MIGA2: variants seen among roughly 807,000 people sequenced by gnomAD.
The protein encoded by MIGA2 is family with sequence similarity 73, member B.
A neutral mutation model predicts 69.9 loss-of-function variants in MIGA2; 36 were observed. The ratio of observed to expected loss-of-function variants is 0.52; its 90% CI spans 0.39 to 0.68. MIGA2 has a LOEUF of 0.68. Ranked by LOEUF, MIGA2 falls within the 30% of genes least tolerant of loss-of-function variation. The probability of loss-of-function intolerance (pLI) is 0.00; values close to 1 mark genes in which losing one functional copy is unlikely to be tolerated. For synonymous variants in MIGA2, 333 were observed against 349.2 expected (o/e 0.95, Z 0.52); for missense variants, 660 against 787.7 (o/e 0.84, Z 1.94).
Position 129,067,784 on chromosome 9 carries a change from C to A in MIGA2, c.1182C>A (p.Gly394=), listed in dbSNP as rs764836417. The A allele has an allele frequency of 2.5e-6, 4 of 1,611,968 alleles. No homozygotes were observed. Among genetic ancestry groups the A allele is most frequent in the East Asian group, 2.2e-5 (1 of 44,870 alleles). Residue 394 remains glycine (G), a synonymous_variant, in exon 12 of 16, where the codon GGC becomes GGA. Coordinates refer to ENST00000684074, the MANE Select transcript of MIGA2 (RefSeq NM_001329990.2). ...LMTKAEKSPK[G]FLESYEEMLS... ...GCTTCTCTCCACAGAGCCCCAAAGG[C>A]TTCCTGGAGAGCTACGAGGAGATGC...
chr9:129,066,432 T>G (rs1047920855), intron 11 of MIGA2, among the ~76,000 whole-genome samples: 2 of 152,122 alleles, frequency 1.3e-5, no homozygotes, highest in African/African-American at 4.8e-5. Context: ...CCCGGCACTT[T>G]GGGAGGCCAA....
chr9:129,045,052 G>T (rs900259061), intron 3 of MIGA2, among the ~76,000 whole-genome samples: 4 of 151,524 alleles, frequency 2.6e-5, no homozygotes, highest in Middle Eastern at 3.4e-3. Context: ...ACAAAAATTA[G>T]TCGGGTGTGG....
In MIGA2 at chr9:129,059,790, T is replaced by C. The variant is rs772223209; in HGVS notation, c.793+519T>C. 6.6e-6 allele frequency among the ~76,000 whole-genome samples: 1 copy of C among 152,176 alleles called. No individual in the cohort carries two copies. The highest frequency in any genetic ancestry group is 1.5e-5 in the Non-Finnish European group (1 of 68,020). On this transcript the variant is annotated intron_variant, in intron 7 of 15. Transcript: ENST00000684074. The surrounding 1 kb of genome is among the most constrained non-coding windows in gnomAD (Gnocchi z 5.6). ...CGGACCCCTGCAGTGAATGACACCC[T>C]GGCCCCTCCCTGTGCACTCAACCCT...
chr9:129,043,167 C>T (rs187243889), intron 3 of MIGA2, among the ~76,000 whole-genome samples: 2,093 of 151,072 alleles, frequency 0.014, 20 homozygotes, highest in Non-Finnish European at 0.021. Context: ...GCACTCCAGC[C>T]TGGGTGACAG....
In MIGA2 at chr9:129,068,055, G is replaced by A. The variant is rs187649697; in HGVS notation, c.1270-143G>A. The A allele has an allele frequency of 3.2e-4, 432 of 1,335,896 alleles. 3 individuals carry two copies. In the South Asian group the frequency reaches 4.6e-3, roughly 14 times the overall value. The allele number at this position is 1,335,896 out of a possible 1,614,324, so 82.8% of individuals were successfully genotyped here. ...GGGAGGAATGGCCTCAGCTACACCC[G>A]TTGCACAGCAGAGCGGGAAAGACGT... is the stretch of plus-strand genomic sequence containing the variant. On this transcript the variant is annotated intron_variant, in intron 12 of 15. Coordinates refer to ENST00000684074, the MANE Select transcript of MIGA2 (RefSeq NM_001329990.2). This position sits in a 1 kb window ranked among gnomAD's most constrained non-coding sequence, Gnocchi z 4.1.
At chr9:129,038,936 C>G (rs1457682846) in intron 1 of MIGA2, among the ~76,000 whole-genome samples, 1 of 151,426 alleles carries the variant, frequency 6.6e-6, no homozygotes, top group African/African-American at 2.4e-5. Context: ...GCTGGGATTA[C>G]AGGCACGTGC....
chr9:129,049,139 G>A (rs1349229249), intron 4 of MIGA2, among the ~76,000 whole-genome samples: 1 of 152,202 alleles, frequency 6.6e-6, no homozygotes, highest in Non-Finnish European at 1.5e-5. Context: ...CAGGTTCCTG[G>A]GCTGGGTGTT....
At chr9:129,040,786 T>C (rs1844860871) in intron 2 of MIGA2, 96 bp downstream of exon 2, 14 of 1,154,840 alleles carry the variant, frequency 1.2e-5, no homozygotes, top group Non-Finnish European at 1.7e-5. Flanking sequence ...CCCTCGTTCT[T>C]GCTTTGCCAA....
chr9:129,067,562 C>A (rs1846425802), intron 11 of MIGA2: 1 of 575,158 alleles, frequency 1.7e-6, no homozygotes, highest in Admixed American at 3.1e-5. Flanking sequence ...AGGTGCTCAG[C>A]AGAGGAGCTG....
chr9:129,042,738 G>GGTT (rs1289046330), intron 3 of MIGA2, among the ~76,000 whole-genome samples: 1 of 152,094 alleles, frequency 6.6e-6, no homozygotes, highest in Non-Finnish European at 1.5e-5. Context: ...AGGTGGTTTT[G>GGTT]GTTGTTCTCA....
At chr9:129,050,423 C>G (rs988000620) in intron 6 of MIGA2, among the ~76,000 whole-genome samples, 1 of 147,740 alleles carries the variant, frequency 6.8e-6, no homozygotes, top group African/African-American at 2.5e-5. Flanking sequence ...TATAGGCGCC[C>G]GCCACCACAT....
Position 129,070,579 on chromosome 9 carries a change from C to A in MIGA2, c.*126C>A. The A allele has an allele frequency of 1.9e-6, 2 of 1,049,424 alleles. No homozygotes were observed. The highest frequency in any genetic ancestry group is 2.7e-6 in the Non-Finnish European group (2 of 747,362). The allele number at this position is 1,049,424 out of a possible 1,614,324, so 65.0% of individuals were successfully genotyped here. A position where few individuals can be genotyped will look rare whatever the true frequency, so the allele number is the denominator to read the frequency against. ...TGCCCCACCCCCATCATCTGGGAGT[C>A]CCCAAGGCCCAGAGGGGACATTTCC... On this transcript the variant is annotated 3_prime_UTR_variant, in exon 16 of 16. Coordinates refer to ENST00000684074, the MANE Select transcript of MIGA2 (RefSeq NM_001329990.2).
chr9:129,057,738 T>G (rs1845869065), intron 6 of MIGA2, among the ~76,000 whole-genome samples: 1 of 152,154 alleles, frequency 6.6e-6, no homozygotes, highest in African/African-American at 2.4e-5. Flanking sequence ...CCTGAGTAGC[T>G]GGGACTACAG....
chr9:129,055,706 G>A (rs867790322), intron 6 of MIGA2, among the ~76,000 whole-genome samples: 13 of 152,004 alleles, frequency 8.6e-5, no homozygotes, highest in Middle Eastern at 3.2e-3. Flanking sequence ...AAAATTAGCC[G>A]GGCGTAGTGG....
At chr9:129,042,665 G>A (rs1009062481) in intron 3 of MIGA2, 151 bp downstream of exon 3, 67 of 783,698 alleles carry the variant, frequency 8.5e-5, no homozygotes, top group East Asian at 3.8e-4. Flanking sequence ...TGACAGTAGC[G>A]TCCCTCCCTC....
intron 6 of MIGA2, among the ~76,000 whole-genome samples, chr9:129,057,636 G>T (rs559800243): frequency 1.3e-5 from 2 of 151,396 alleles, no homozygotes; most frequent in Non-Finnish European, 2.9e-5. Context: ...ACAGAGTCTC[G>T]CTCTGTCACC....
In MIGA2 at chr9:129,063,609, G is replaced by A. The variant is rs1203852595; in HGVS notation, c.1148G>A (p.Gly383Asp). 1.4e-6 allele frequency: 2 copies of A among 1,464,158 alleles called. No homozygotes were observed. Among genetic ancestry groups the A allele is most frequent in the Non-Finnish European group, 1.8e-6 (2 of 1,083,548 alleles). 90.7% of individuals were successfully genotyped at this position (1,464,158 alleles called of 1,614,324 possible). Residue 383 changes from glycine to aspartate, a missense_variant, in exon 11 of 16, where the codon GGC (glycine) becomes GAC (aspartate). Gly to Asp is a moderately conservative substitution (Grantham distance 94, BLOSUM62 -1). This residue lies in a region of MIGA2 where 220 missense variants were observed against 301.7 expected (regional missense o/e 0.73). Coordinates refer to ENST00000684074, the MANE Select transcript of MIGA2 (RefSeq NM_001329990.2). Reference protein sequence around the residue: ...FGKVGRQMVTGLMTKAEKSPK... With the variant: ...FGKVGRQMVTDLMTKAEKSPK... The stretch of plus-strand genomic sequence containing the variant: ...AAAGTGGGCCGACAGATGGTGACAG[G>A]CCTGATGACCAAGGCTGAGAAGGTA...
chr9:129,047,721 T>A (rs1248890043), intron 3 of MIGA2, among the ~76,000 whole-genome samples: 1 of 151,242 alleles, frequency 6.6e-6, no homozygotes, highest in African/African-American at 2.4e-5. Flanking sequence ...CCTAAAAAAA[T>A]TTATATATAT....
In MIGA2 at chr9:129,061,445, T is replaced by A; in HGVS notation, c.1010+99T>A. The stretch of plus-strand genomic sequence containing the variant: ...AAGCCAGCGGTGCTTGGCGAGGACT[T>A]AGCCTGAGTGAGTCCAGGCTGCCTG... On this transcript the variant is annotated intron_variant, in intron 9 of 15. Transcript: ENST00000684074. This position sits in a 1 kb window ranked among gnomAD's most constrained non-coding sequence, Gnocchi z 5.0. 1 of 1,090,640 alleles carries A rather than the reference T, an allele frequency of 9.2e-7. No homozygotes were observed. The highest frequency in any genetic ancestry group is 1.3e-6 in the Non-Finnish European group (1 of 756,070). The allele number at this position is 1,090,640 out of a possible 1,614,324, so 67.6% of individuals were successfully genotyped here.
Sources: gnomAD v4.1 joint callset for allele counts (sites outside exome capture counted in the v4.1 genomes callset) on GRCh38, gnomAD v4.1.1 for gene constraint, gnomAD v4.1.1 regional missense constraint, Gnocchi (gnomAD v3.1) non-coding constraint, MANE v1.5 for transcripts, NCBI Gene and HGNC (gene_info 2026-07-23, HGNC 2026-07-21) for gene names.